PCDH9: variants seen among roughly 807,000 people sequenced by gnomAD.
The protein encoded by PCDH9 is protocadherin-9.
A neutral mutation model predicts 70.6 loss-of-function variants in PCDH9; 24 were observed. The observed-to-expected ratio is 0.34, with a 90% CI of 0.25 to 0.48. The LOEUF (loss-of-function observed/expected upper bound fraction) is 0.48. Among genes scored for constraint, PCDH9 ranks in the 20% least tolerant of loss-of-function variants. PCDH9 has a pLI of 0.99. For synonymous variants in PCDH9, 562 were observed against 558.5 expected (o/e 1.01, Z -0.09); for missense variants, 1,281 against 1,503.6 (o/e 0.85, Z 2.45).
intron 2 of PCDH9, among the ~76,000 whole-genome samples, chr13:67,099,379 T>C (rs2086386387): frequency 6.6e-6 from 1 of 152,222 alleles, no homozygotes; most frequent in Non-Finnish European, 1.5e-5. Context: ...CAATCTGCCA[T>C]TCAATTTGTA....
At chr13:66,332,623 G>A (rs555666153) in intron 4 of PCDH9, among the ~76,000 whole-genome samples, 25 of 152,082 alleles carry the variant, frequency 1.6e-4, no homozygotes, top group African/African-American at 5.3e-4. Context: ...AGATACTCAT[G>A]TGCTCTAAAA....
rs1246391058 is a variant in PCDH9 at position 66,717,451 on chromosome 13, C to CAA, written c.3139-86042_3139-86041dup. 1.2e-4 allele frequency among the ~76,000 whole-genome samples: 6 copies of CAA among 50,454 alleles called. 1 individual carries two copies. The highest frequency in any genetic ancestry group is 5.4e-4 in the African/African-American group (5 of 9,248). 33.1% of individuals were successfully genotyped at this position (50,454 alleles called of 152,430 possible). ...TGGGTGACAGAGCAAGACTCTGTCT[C>CAA]AAAAAAAAAAAAAAAAAAAAAAAAA... On this transcript the variant is annotated intron_variant, in intron 3 of 4. Transcript: ENST00000377865.
At chr13:67,182,643 A>T (rs1248423426) in intron 2 of PCDH9, among the ~76,000 whole-genome samples, 1 of 152,170 alleles carries the variant, frequency 6.6e-6, no homozygotes, top group African/African-American at 2.4e-5. Flanking sequence ...ATCTTTACTG[A>T]TTAAATCAAC....
intron 3 of PCDH9, among the ~76,000 whole-genome samples, chr13:66,848,423 T>G (rs547688125): frequency 6.6e-6 from 1 of 152,348 alleles, no homozygotes; most frequent in African/African-American, 2.4e-5. Context: ...TTGTTAGAAC[T>G]TAATCAATCA....
chr13:67,106,442 T>C (rs2086545049), intron 2 of PCDH9, among the ~76,000 whole-genome samples: 2 of 152,244 alleles, frequency 1.3e-5, no homozygotes, highest in South Asian at 4.1e-4. Context: ...GATTAAATCA[T>C]CTTTAAGTGA....
chr13:67,165,929 C>T (rs953461384), intron 2 of PCDH9, among the ~76,000 whole-genome samples: 5 of 152,120 alleles, frequency 3.3e-5, no homozygotes, highest in Admixed American at 6.6e-5. Context: ...TTAGAAACTA[C>T]GTAACTACCC....
chr13:66,371,659 T>C (rs1007948644), intron 4 of PCDH9, among the ~76,000 whole-genome samples: 1 of 152,078 alleles, frequency 6.6e-6, no homozygotes, highest in Non-Finnish European at 1.5e-5. Flanking sequence ...AGATATAACT[T>C]AAAGAACCTA....
intron 3 of PCDH9, among the ~76,000 whole-genome samples, chr13:66,749,431 C>T (rs1198012150): frequency 6.6e-6 from 1 of 152,118 alleles, no homozygotes; most frequent in Non-Finnish European, 1.5e-5. Context: ...ATGTGCCAGG[C>T]AATTATCTTC....
At chr13:66,709,024 G>A (rs77636398) in intron 3 of PCDH9, among the ~76,000 whole-genome samples, 2,899 of 152,306 alleles carry the variant, frequency 0.019, 33 homozygotes, top group Middle Eastern at 0.058. Context: ...TCAGAATTGA[G>A]ATTGAAAGCT....
At chr13:66,440,943 T>C (rs1349281878) in intron 4 of PCDH9, among the ~76,000 whole-genome samples, 2 of 152,148 alleles carry the variant, frequency 1.3e-5, no homozygotes, top group Non-Finnish European at 1.5e-5. Flanking sequence ...ATATATCAGC[T>C]ACACAGCCAC....
chr13:66,545,036 A>C (rs1213459269), intron 4 of PCDH9, among the ~76,000 whole-genome samples: 1 of 152,196 alleles, frequency 6.6e-6, no homozygotes, highest in Admixed American at 6.5e-5. Flanking sequence ...TAGTGTAAAT[A>C]CAGATCGGAT....
chr13:66,318,275 A>G (rs1955689728), intron 4 of PCDH9, among the ~76,000 whole-genome samples: 1 of 152,166 alleles, frequency 6.6e-6, no homozygotes, highest in Admixed American at 6.6e-5. Flanking sequence ...TTTTTCTGCA[A>G]TCTTTTCTGC....
intron 3 of PCDH9, among the ~76,000 whole-genome samples, chr13:66,660,286 G>T (rs2077991159): frequency 6.6e-6 from 1 of 152,140 alleles, no homozygotes; most frequent in Admixed American, 6.5e-5. Context: ...TATATGGTGA[G>T]ATCTTTATTT....
At chr13:67,151,931 AT>A (rs929411720) in intron 2 of PCDH9, among the ~76,000 whole-genome samples, 28 of 150,036 alleles carry the variant, frequency 1.9e-4, no homozygotes, top group African/African-American at 5.1e-4. Flanking sequence ...AAGAGAGATA[AT>A]TTTTTTTTTG....
chr13:66,946,981 CT>C (rs2083098511), intron 2 of PCDH9, among the ~76,000 whole-genome samples: 1 of 152,060 alleles, frequency 6.6e-6, no homozygotes, highest in Admixed American at 6.6e-5. Context: ...GAGAAACTTA[CT>C]TTAGAAGTCC....
chr13:66,385,466 G>T (rs1247800068), intron 4 of PCDH9, among the ~76,000 whole-genome samples: 1 of 151,878 alleles, frequency 6.6e-6, no homozygotes, highest in African/African-American at 2.4e-5. Context: ...CAAATAACAG[G>T]ACTTCAAGAC....
At chr13:66,925,697 T>C (rs1459026038) in intron 2 of PCDH9, among the ~76,000 whole-genome samples, 2 of 151,930 alleles carry the variant, frequency 1.3e-5, no homozygotes, top group East Asian at 3.9e-4. Context: ...GTATATTCCC[T>C]TTATCAAAAC....
chr13:66,481,654 G>A (rs372654757), intron 4 of PCDH9, among the ~76,000 whole-genome samples: 13 of 152,200 alleles, frequency 8.5e-5, no homozygotes, highest in African/African-American at 2.2e-4. Context: ...AAGGTATGCC[G>A]ATAACTATGT....
At position 67,158,799 on chromosome 13, in the gene PCDH9, G is replaced by A. The variant is rs139034466; in HGVS notation, c.3036+66606C>T. Among the ~76,000 whole-genome samples the A allele has an allele frequency of 7.9e-3, 1,203 of 152,258 alleles. 13 individuals carry two copies. Among genetic ancestry groups the A allele is most frequent in the Non-Finnish European group, 9.9e-3 (673 of 68,018 alleles). On this transcript the variant is annotated intron_variant, in intron 2 of 4. Coordinates refer to ENST00000377865, the MANE Select transcript of PCDH9 (RefSeq NM_203487.3). ...GCTTCACTCTTTATGAGATATAGTC[G>A]GTGGGACTTGCTGTCAATGATATTT... is the stretch of plus-strand genomic sequence containing the variant.
Sources: allele counts gnomAD v4.1 joint callset (sites outside exome capture counted in the v4.1 genomes callset), GRCh38; gene constraint gnomAD v4.1.1; transcripts MANE v1.5; gene names NCBI Gene and HGNC (gene_info 2026-07-23, HGNC 2026-07-21).